The following SHISA6 variants were observed in gnomAD, a reference collection of about 807,000 sequenced individuals.
SHISA6 encodes the protein protein shisa-6.
SHISA6 carries 22 observed loss-of-function variants against 47.9 expected under a neutral mutation model. That is an observed-to-expected ratio of 0.46 (90% confidence interval 0.33 to 0.66). The LOEUF is 0.66. Among genes scored for constraint, SHISA6 ranks in the 30% least tolerant of loss-of-function variants. The pLI is 0.02. For synonymous variants in SHISA6, 388 were observed against 337.8 expected (o/e 1.15, Z -1.63); for missense variants, 680 against 764.6 (o/e 0.89, Z 1.30).
chr17:11,288,250 C>A (rs1196083654), intron 2 of SHISA6: 1 of 152,148 alleles, frequency 6.6e-6, no homozygotes, highest in East Asian at 1.9e-4. Flanking sequence ...TGCAATAGGA[C>A]CTTTTCATGT....
chr17:11,310,696 T>C (rs867157846), intron 2 of SHISA6, among the ~76,000 whole-genome samples: 4 of 152,166 alleles, frequency 2.6e-5, no homozygotes, highest in African/African-American at 9.7e-5. Flanking sequence ...ACCTCTGGGC[T>C]GGGCGCGGTG....
In SHISA6 at chr17:11,470,975, T is replaced by G. The variant is rs577620536; in HGVS notation, c.896-80921T>G. On this transcript the variant is annotated intron_variant, in intron 3 of 5. Coordinates refer to ENST00000441885, the MANE Select transcript of SHISA6 (RefSeq NM_207386.4). ...CTGTAATCCCAGCACTCTGGGAGGCTGAGGCAGGTGGATCACCTGAGGTTA... is the reference window on the plus strand; with the variant it reads ...CTGTAATCCCAGCACTCTGGGAGGCGGAGGCAGGTGGATCACCTGAGGTTA... 5.9e-5 allele frequency among the ~76,000 whole-genome samples: 9 copies of G among 151,436 alleles called. No individual in the cohort carries two copies. In the East Asian group the frequency reaches 1.6e-3, roughly 26 times the overall value.
rs2071519878 is a variant in SHISA6 at position 11,508,631 on chromosome 17, C to T, written c.896-43265C>T. ...GGTCATTTCTCCTTGGGGGTGCCCA[C>T]AGGTGGGTGCTTCATGCAATATGGC... On this transcript the variant is annotated intron_variant, in intron 3 of 5. Coordinates refer to ENST00000441885, the MANE Select transcript of SHISA6 (RefSeq NM_207386.4). Among the ~76,000 whole-genome samples the T allele has an allele frequency of 1.5e-5, 2 of 134,068 alleles. 1 individual carries two copies. Among genetic ancestry groups the T allele is most frequent in the Admixed American group, 1.5e-4 (2 of 13,322 alleles). The allele number at this position is 134,068 out of a possible 152,430, so 88.0% of individuals were successfully genotyped here.
In SHISA6 at chr17:11,562,316, G is replaced by A. The variant is rs2072052154; in HGVS notation, c.*4012G>A. 2 of 151,998 alleles carry A rather than the reference G, an allele frequency of 1.3e-5. No individual in the cohort carries two copies. The highest frequency in any genetic ancestry group is 2.9e-5 in the Non-Finnish European group (2 of 68,010). The allele number at this position is 151,998 out of a possible 1,614,324, so 9.4% of individuals were successfully genotyped here. A position where few individuals can be genotyped will look rare whatever the true frequency, so the allele number is the denominator to read the frequency against. On this transcript the variant is annotated 3_prime_UTR_variant, in exon 6 of 6. Coordinates refer to ENST00000441885, the MANE Select transcript of SHISA6 (RefSeq NM_207386.4). Reference sequence around the variant, plus strand: ...ACTTGACCCAAGGTAAAATGAAAGGGCTGCCAATCACTCGGACTCCAGAAG... The same window carrying A: ...ACTTGACCCAAGGTAAAATGAAAGGACTGCCAATCACTCGGACTCCAGAAG...
At chr17:11,253,767 A>G (rs943407399) in intron 1 of SHISA6, among the ~76,000 whole-genome samples, 1 of 152,072 alleles carries the variant, frequency 6.6e-6, no homozygotes, top group Non-Finnish European at 1.5e-5. Context: ...TTTAGAATCC[A>G]ACTCTCTCTC....
chr17:11,315,368 G>A (rs367652024), intron 2 of SHISA6, among the ~76,000 whole-genome samples: 97 of 152,092 alleles, frequency 6.4e-4, no homozygotes, highest in Middle Eastern at 6.8e-3. Context: ...GTAAACTGTC[G>A]TATCACCTGC....
chr17:11,251,146 A>G (rs1347077788), intron 1 of SHISA6, among the ~76,000 whole-genome samples: 2 of 152,066 alleles, frequency 1.3e-5, no homozygotes, highest in Non-Finnish European at 2.9e-5. Context: ...CCTGAATGTA[A>G]TGGAGTCAGT....
chr17:11,495,392 G>A (rs2071399704), intron 3 of SHISA6, among the ~76,000 whole-genome samples: 1 of 152,158 alleles, frequency 6.6e-6, no homozygotes, highest in Admixed American at 6.5e-5. Context: ...ATGAAAACAA[G>A]TCCACAGAAG....
intron 4 of SHISA6, among the ~76,000 whole-genome samples, chr17:11,553,325 G>A (rs1015989389): frequency 1.3e-5 from 2 of 152,180 alleles, no homozygotes; most frequent in Admixed American, 6.5e-5. Context: ...TGATGAAGCA[G>A]CCTCAGGAAG....
chr17:11,519,908 G>A (rs1446197241), intron 3 of SHISA6, among the ~76,000 whole-genome samples: 2 of 152,046 alleles, frequency 1.3e-5, no homozygotes, highest in South Asian at 4.1e-4. Context: ...CCATGACATC[G>A]TGCTTTCTCA....
Position 11,422,068 on chromosome 17 carries a change from T to G in SHISA6, c.895+42559T>G, listed in dbSNP as rs1052597931. Among the ~76,000 whole-genome samples, 2 of 152,146 alleles carry G rather than the reference T, an allele frequency of 1.3e-5. 1 individual carries two copies. Among genetic ancestry groups the G allele is most frequent in the Admixed American group, 1.3e-4 (2 of 15,280 alleles). ...CTGTGTGACGTCAACTCTCTTGCAC[T>G]TTTGGGTTTACCTGCTAGCCTCTCC... is the stretch of plus-strand genomic sequence containing the variant. On this transcript the variant is annotated intron_variant, in intron 3 of 5. Transcript: ENST00000441885.
intron 2 of SHISA6, among the ~76,000 whole-genome samples, chr17:11,349,392 T>A (rs1911799514): frequency 6.6e-6 from 1 of 152,178 alleles, no homozygotes; most frequent in Non-Finnish European, 1.5e-5. Flanking sequence ...TCAGAGTTGG[T>A]TTGGGAGTAA....
chr17:11,311,459 A>G (rs1473984209), intron 2 of SHISA6, among the ~76,000 whole-genome samples: 1 of 152,162 alleles, frequency 6.6e-6, no homozygotes, highest in African/African-American at 2.4e-5. Context: ...TGCATTGGAA[A>G]ATGTATTACA....
intron 2 of SHISA6, among the ~76,000 whole-genome samples, chr17:11,362,358 T>A (rs1912317121): frequency 6.6e-6 from 1 of 152,180 alleles, no homozygotes; most frequent in South Asian, 2.1e-4. Context: ...CAAGCAGGTC[T>A]CAAACTCCTG....
intron 2 of SHISA6, among the ~76,000 whole-genome samples, chr17:11,317,924 T>A (rs1910579305): frequency 6.6e-6 from 1 of 152,132 alleles, no homozygotes; most frequent in East Asian, 1.9e-4. Flanking sequence ...GGTAAACCCT[T>A]TTTACTTATC....
chr17:11,442,007 A>G (rs1915107700), intron 3 of SHISA6, among the ~76,000 whole-genome samples: 1 of 152,212 alleles, frequency 6.6e-6, no homozygotes, highest in Non-Finnish European at 1.5e-5. Flanking sequence ...AGGAAGCAGG[A>G]AAACTGCAGC....
chr17:11,555,777 C>A lies in SHISA6; in HGVS notation c.990C>A (p.Thr330=). The A allele has an allele frequency of 1.3e-6, 2 of 1,550,426 alleles. No homozygotes were observed. Among genetic ancestry groups the A allele is most frequent in the Non-Finnish European group, 8.7e-7 (1 of 1,146,482 alleles). ...TGAACAACATCCTGACATCAGCCAC[C>A]GAGCCCTATGACCTCTCCTTCTCCC... ...PRMNNILTSA[T]EPYDLSFSRS... is the part of the protein sequence containing the mutation. The change falls in exon 5 of 6, where the codon ACC becomes ACA. Residue 330 remains threonine, a synonymous_variant. Transcript: ENST00000441885.
chr17:11,398,065 T>G (rs1296755248), intron 3 of SHISA6, among the ~76,000 whole-genome samples: 1 of 152,222 alleles, frequency 6.6e-6, no homozygotes, highest in Non-Finnish European at 1.5e-5. Flanking sequence ...TAAGGCTGTT[T>G]AATTCATTTC....
chr17:11,373,352 A>T (rs1912689106), intron 2 of SHISA6, among the ~76,000 whole-genome samples: 1 of 151,980 alleles, frequency 6.6e-6, no homozygotes, highest in South Asian at 2.1e-4. Flanking sequence ...CAGTCTATCC[A>T]TCTGTCTATC....
Sources: gnomAD v4.1 joint callset for allele counts (sites outside exome capture counted in the v4.1 genomes callset) on GRCh38, gnomAD v4.1.1 for gene constraint, MANE v1.5 for transcripts, NCBI Gene and HGNC (gene_info 2026-07-23, HGNC 2026-07-21) for gene names.